The following TRPM4 variants were observed in gnomAD, a reference collection of about 807,000 sequenced individuals.
TRPM4 encodes the protein transient receptor potential cation channel subfamily M member 4.
TRPM4 carries 124 observed loss-of-function variants against 135.6 expected under a neutral mutation model. The observed-to-expected ratio is 0.91, with a 90% CI of 0.79 to 1.06. The LOEUF (loss-of-function observed/expected upper bound fraction) is 1.06. TRPM4 is among the 50% of genes least tolerant of loss of function. TRPM4 has a pLI of 0.00. For synonymous variants in TRPM4, 745 were observed against 705.6 expected (o/e 1.06, Z -0.88); for missense variants, 1,658 against 1,671.4 (o/e 0.99, Z 0.14).
At position 49,161,829 on chromosome 19, in the gene TRPM4, C is replaced by T. The variant is rs1966979456; in HGVS notation, c.92+3570C>T. 2.6e-5 allele frequency among the ~76,000 whole-genome samples: 4 copies of T among 152,232 alleles called. No homozygotes were observed. The South Asian group carries it at 8.3e-4, about 32-fold the overall frequency. ...ACTTTTAGTAGAGACAAGGTTTCAC[C>T]ATGTTGGCCAGGCTGATCTCGAACT... On this transcript the variant is annotated intron_variant, in intron 2 of 24. Coordinates refer to ENST00000252826, the MANE Select transcript of TRPM4 (RefSeq NM_017636.4).
rs67808134 is a variant in TRPM4 at position 49,161,323 on chromosome 19, CT to C, written c.92+3086del. Among the ~76,000 whole-genome samples, 402 of 101,202 alleles carry C rather than the reference CT, an allele frequency of 4.0e-3. 3 individuals are homozygous for C. The highest frequency in any genetic ancestry group is 0.013 in the African/African-American group (336 of 26,748). 66.4% of individuals were successfully genotyped at this position (101,202 alleles called of 152,430 possible). A position where few individuals can be genotyped will look rare whatever the true frequency, so the allele number is the denominator to read the frequency against. On this transcript the variant is annotated intron_variant, in intron 2 of 24. Coordinates refer to ENST00000252826, the MANE Select transcript of TRPM4 (RefSeq NM_017636.4). Reference sequence around the variant, plus strand: ...AAATATCTGTCTTCTGTCTCTCTCTCTTTTTTTTTTTTTTTTTTTTTTGAGA... The same window carrying C: ...AAATATCTGTCTTCTGTCTCTCTCTCTTTTTTTTTTTTTTTTTTTTTGAGA...
At position 49,168,076 on chromosome 19, in the gene TRPM4, G is replaced by C. The variant is rs1434254178; in HGVS notation, c.427G>C (p.Val143Leu). 3 of 1,607,576 alleles carry C rather than the reference G, an allele frequency of 1.9e-6. No individual in the cohort carries two copies. Among genetic ancestry groups the C allele is most frequent in the Non-Finnish European group, 1.7e-6 (2 of 1,179,026 alleles). ...WLQDLLRRGL[V>L]RAAQSTGAWI... is the part of the protein sequence containing the mutation. ...GCAGGACCTGCTGCGTCGTGGGCTG[G>C]TGCGGGCTGCCCAGAGCACAGGTGA... is the stretch of plus-strand genomic sequence containing the variant. The change falls in exon 4 of 25, where the codon GTG becomes CTG. Residue 143 changes from valine (V) to leucine (L), a missense_variant. Physicochemically the swap from Val to Leu is conservative, Grantham distance 32. This residue lies in a region of TRPM4 where 239 missense variants were observed against 240.1 expected (regional missense o/e 1.00). Transcript: ENST00000252826.
intron 6 of TRPM4, 122 bp downstream of exon 6, chr19:49,168,858 C>T (rs1967343736): frequency 9.2e-7 from 1 of 1,088,668 alleles, no homozygotes; most frequent in Non-Finnish European, 1.3e-6. Context: ...GTGTCTTTCC[C>T]CGTCATTATT....
Position 49,167,862 on chromosome 19 carries a change from G to A in TRPM4, c.268-55G>A, listed in dbSNP as rs12461178. 26 of 1,485,792 alleles carry A rather than the reference G, an allele frequency of 1.7e-5. 1 individual carries two copies. The highest frequency in any genetic ancestry group is 1.6e-4 in the South Asian group (14 of 87,398). 92.0% of individuals were successfully genotyped at this position (1,485,792 alleles called of 1,614,324 possible). The stretch of plus-strand genomic sequence containing the variant: ...CCCGTCTCTCTGGGTCTCTGTCCCC[G>A]TCTCTCTGGGTCTCTGTCCCCCTCC... On this transcript the variant is annotated intron_variant, in intron 3 of 24. Coordinates refer to ENST00000252826, the MANE Select transcript of TRPM4 (RefSeq NM_017636.4).
chr19:49,210,912 G>T lies in TRPM4; in HGVS notation c.3461+70G>T. The stretch of plus-strand genomic sequence containing the variant: ...GGATCCTGACTTCAGCTGAAGGCAG[G>T]GTCCTGGGAGGGAGGGAGAGAGGGA... On this transcript the variant is annotated intron_variant, in intron 22 of 24. Coordinates refer to ENST00000252826, the MANE Select transcript of TRPM4 (RefSeq NM_017636.4). The surrounding 1 kb of genome is among the most constrained non-coding windows in gnomAD (Gnocchi z 4.1). 2 of 1,589,438 alleles carry T rather than the reference G, an allele frequency of 1.3e-6. No individual in the cohort carries two copies. Among genetic ancestry groups the T allele is most frequent in the Admixed American group, 1.8e-5 (1 of 55,036 alleles).
chr19:49,174,909 T>A (rs572667946), intron 9 of TRPM4, among the ~76,000 whole-genome samples: 41 of 151,268 alleles, frequency 2.7e-4, no homozygotes, highest in Non-Finnish European at 5.2e-4. Flanking sequence ...AGAACTTTTT[T>A]CTTTTTTTTT....
chr19:49,166,932 C>T (rs1309608455), intron 3 of TRPM4, among the ~76,000 whole-genome samples: 8 of 150,136 alleles, frequency 5.3e-5, no homozygotes, highest in African/African-American at 1.7e-4. Context: ...GTCTCCGTCC[C>T]TGTCTCTCCG....
Position 49,202,071 on chromosome 19 carries a change from G to A in TRPM4, c.3061G>A (p.Val1021Met), listed in dbSNP as rs1968957588. 3.1e-6 allele frequency: 5 copies of A among 1,614,046 alleles called. No individual in the cohort carries two copies. Among genetic ancestry groups the A allele is most frequent in the Non-Finnish European group, 4.2e-6 (5 of 1,180,016 alleles). The change falls in exon 20 of 25, where the codon GTG becomes ATG. Residue 1021 changes from valine to methionine, a missense_variant. This residue lies in a region of TRPM4 where 1,412 missense variants were observed against 1,408.7 expected (regional missense o/e 1.00). Coordinates refer to ENST00000252826, the MANE Select transcript of TRPM4 (RefSeq NM_017636.4). ...CVSQYANWLV[V>M]LLLVIFLLVA... ...CTCCCAGTATGCCAACTGGCTGGTG[G>A]TGCTGCTCCTCGTCATCTTCCTGCT...
chr19:49,158,024 G>T (rs2041547666), intron 1 of TRPM4, 134 bp downstream of exon 1: 1 of 1,299,810 alleles, frequency 7.7e-7, no homozygotes, highest in South Asian at 1.3e-5. Flanking sequence ...AGGTTCCAGG[G>T]TCCAGGGCAT....
chr19:49,168,169 G>A lies in TRPM4; in HGVS notation c.448+72G>A, dbSNP rs572793029. 39 of 1,590,070 alleles carry A rather than the reference G, an allele frequency of 2.5e-5. No individual in the cohort carries two copies. In the South Asian group the frequency reaches 3.7e-4, roughly 15 times the overall value. On this transcript the variant is annotated intron_variant, in intron 4 of 24. Transcript: ENST00000252826. Reference sequence around the variant, plus strand: ...GCCATCTCCCCCACGACTGTGGGTGGCCTCCCCCGCCGCCCAGTGTGTGTG... The same window carrying A: ...GCCATCTCCCCCACGACTGTGGGTGACCTCCCCCGCCGCCCAGTGTGTGTG...
intron 19 of TRPM4, 93 bp downstream of exon 19, chr19:49,200,878 C>T (rs1968904472): frequency 4.5e-6 from 6 of 1,340,402 alleles, no homozygotes; most frequent in East Asian, 2.5e-5. Flanking sequence ...ATATCTGTCT[C>T]TCTGAGTCTC....
intron 10 of TRPM4, 193 bp from the exon 11 acceptor site, chr19:49,182,383 TCC>T (rs1967998703): frequency 1.6e-6 from 1 of 633,666 alleles, no homozygotes; most frequent in African/African-American, 1.8e-5. Context: ...CATCCATCCA[TCC>T]ATCCATCTGC....
At position 49,200,767 on chromosome 19, in the gene TRPM4, C is replaced by A; in HGVS notation, c.2935C>A (p.Pro979Thr). The change falls in exon 19 of 25, where the codon CCC (proline) becomes ACC (threonine). Residue 979 changes from proline (P) to threonine (T), a missense_variant. Pro to Thr is a conservative substitution (Grantham distance 38, BLOSUM62 -1). This residue lies in a region of TRPM4 where 1,412 missense variants were observed against 1,408.7 expected (regional missense o/e 1.00). Transcript: ENST00000252826. Reference sequence around the variant, plus strand: ...CTACCTGCAGATCTTCGGGCAGATTCCCCAGGAGGACATGGACGGTAGGGG... The same window carrying A: ...CTACCTGCAGATCTTCGGGCAGATTACCCAGGAGGACATGGACGGTAGGGG... ...RPYLQIFGQIPQEDMDVALME... is the reference protein window; with the variant it reads ...RPYLQIFGQITQEDMDVALME... 1.2e-6 allele frequency: 2 copies of A among 1,614,036 alleles called. No individual in the cohort carries two copies.
intron 12 of TRPM4, among the ~76,000 whole-genome samples, chr19:49,185,220 ATTTCT>A (rs1330766411): frequency 9.3e-5 from 14 of 151,004 alleles, no homozygotes; most frequent in Non-Finnish European, 1.6e-4. Context: ...TATTCATTTC[ATTTCT>A]TTTCTTTTAT....
At chr19:49,194,267 T>C (rs1298699046) in intron 16 of TRPM4, among the ~76,000 whole-genome samples, 2 of 152,126 alleles carry the variant, frequency 1.3e-5, no homozygotes, top group Admixed American at 1.3e-4. Context: ...TCCTTTCTTC[T>C]TCTTTGAGAC....
intron 13 of TRPM4, 24 bp downstream of exon 13, chr19:49,188,794 A>G (rs1047301863): frequency 1.2e-6 from 2 of 1,613,460 alleles, no homozygotes; most frequent in African/African-American, 1.3e-5. Flanking sequence ...GGTGCCTGGG[A>G]GCAGGGACGG....
intron 9 of TRPM4, among the ~76,000 whole-genome samples, chr19:49,173,854 C>G (rs928540310): frequency 1.3e-5 from 2 of 151,844 alleles, no homozygotes; most frequent in Non-Finnish European, 1.5e-5. Context: ...TTTTTTTGTA[C>G]AGACGAGGTC....
chr19:49,186,070 AC>A (rs1600470603), intron 12 of TRPM4, among the ~76,000 whole-genome samples: 1 of 152,066 alleles, frequency 6.6e-6, no homozygotes, highest in Admixed American at 6.6e-5. Context: ...ACTTCTCTAA[AC>A]CTTTTTTGGA....
In TRPM4 at chr19:49,182,685, G is replaced by T. The variant is rs1060504645; in HGVS notation, c.1371G>T (p.Pro457=). The change falls in exon 11 of 25, where the codon CCG becomes CCT. Residue 457 remains proline (P), a synonymous_variant. Transcript: ENST00000252826. The part of the protein sequence containing the change: ...HGLSLGHFLT[P]MRLAQLYSAA... ...TCAGCCTGGGCCACTTCCTGACCCC[G>T]ATGCGCCTGGCCCAACTCTACAGCG... is the stretch of plus-strand genomic sequence containing the variant. The T allele has an allele frequency of 1.2e-6, 2 of 1,614,058 alleles. No individual in the cohort carries two copies. Among genetic ancestry groups the T allele is most frequent in the Admixed American group, 1.7e-5 (1 of 60,000 alleles).
Sources: gnomAD v4.1 joint callset for allele counts (sites outside exome capture counted in the v4.1 genomes callset) on GRCh38, gnomAD v4.1.1 for gene constraint, gnomAD v4.1.1 regional missense constraint, Gnocchi (gnomAD v3.1) non-coding constraint, MANE v1.5 for transcripts, NCBI Gene and HGNC (gene_info 2026-07-23, HGNC 2026-07-21) for gene names.